The following SEMA6D variants were observed in gnomAD, a reference collection of about 807,000 sequenced individuals.
SEMA6D encodes the protein semaphorin-6D.
In SEMA6D, 35 loss-of-function variants were observed where a neutral mutation model predicts 106.6. That is an observed-to-expected ratio of 0.33 (90% CI 0.25 to 0.44). The LOEUF is 0.44. SEMA6D is among the 20% of genes least tolerant of loss of function. The pLI, the probability that SEMA6D is intolerant of heterozygous loss-of-function variation, is 1.00. For missense variants in SEMA6D, 1,185 were observed against 1,345.9 expected (o/e 0.88, Z 1.87); for synonymous variants, 499 against 487.7 (o/e 1.02, Z -0.31).
intron 4 of SEMA6D, among the ~76,000 whole-genome samples, chr15:47,625,541 A>G (rs1287848098): frequency 6.6e-6 from 1 of 152,048 alleles, no homozygotes; most frequent in Non-Finnish European, 1.5e-5. Context: ...GCTGGGCAAC[A>G]TGGTGAAACC....
intron 2 of SEMA6D, among the ~76,000 whole-genome samples, chr15:47,464,534 C>G (rs1280771036): frequency 6.6e-6 from 1 of 152,072 alleles, no homozygotes; most frequent in Non-Finnish European, 1.5e-5. Flanking sequence ...TATTCCACAT[C>G]TGGGCCTGGC....
intron 4 of SEMA6D, among the ~76,000 whole-genome samples, chr15:47,651,604 C>A (rs1365957813): frequency 6.6e-6 from 1 of 152,214 alleles, no homozygotes; most frequent in Non-Finnish European, 1.5e-5. Flanking sequence ...CCACCAGGTT[C>A]TTCACATACC....
At chr15:47,411,877 T>TG (rs1357071330) in intron 1 of SEMA6D, among the ~76,000 whole-genome samples, 3 of 152,164 alleles carry the variant, frequency 2.0e-5, no homozygotes, top group Non-Finnish European at 4.4e-5. Context: ...AGAGGGAATT[T>TG]GGAAACTTCT....
At chr15:47,752,158 T>C (rs1260414747) in intron 1 of SEMA6D, among the ~76,000 whole-genome samples, 1 of 152,210 alleles carries the variant, frequency 6.6e-6, no homozygotes, top group Non-Finnish European at 1.5e-5. Flanking sequence ...GATTATGAGA[T>C]GCCATGATTA....
At chr15:47,244,999 C>G (rs553703567) in intron 1 of SEMA6D, among the ~76,000 whole-genome samples, 1 of 150,022 alleles carries the variant, frequency 6.7e-6, no homozygotes, top group African/African-American at 2.4e-5. Flanking sequence ...GCCTCCAGCT[C>G]TATCCATGCT....
intron 1 of SEMA6D, among the ~76,000 whole-genome samples, chr15:47,752,860 T>G (rs2081518588): frequency 6.6e-6 from 1 of 151,530 alleles, no homozygotes; most frequent in African/African-American, 2.4e-5. Context: ...AGTATAAAAA[T>G]TAGCTGGACG....
At chr15:47,254,329 GTGTA>G (rs921888434) in intron 1 of SEMA6D, among the ~76,000 whole-genome samples, 11 of 132,688 alleles carry the variant, frequency 8.3e-5, no homozygotes, top group Admixed American at 1.5e-4. Context: ...ATGTGTGTGT[GTGTA>G]TATATATATA....
At chr15:47,579,607 T>A (rs182252851) in intron 3 of SEMA6D, among the ~76,000 whole-genome samples, 40 of 152,314 alleles carry the variant, frequency 2.6e-4, no homozygotes, top group Non-Finnish European at 4.4e-4. Flanking sequence ...TTGCTTGTAT[T>A]AAATAAAATT....
intron 1 of SEMA6D, among the ~76,000 whole-genome samples, chr15:47,313,164 C>A (rs770673232): frequency 3.3e-5 from 5 of 152,152 alleles, no homozygotes; most frequent in African/African-American, 4.8e-5. Context: ...TTAGGTTTCT[C>A]TGTGCTACCG....
chr15:47,211,500 T>C (rs1440874397), intron 1 of SEMA6D, among the ~76,000 whole-genome samples: 1 of 152,190 alleles, frequency 6.6e-6, no homozygotes, highest in African/African-American at 2.4e-5. Flanking sequence ...AAAGTACAAA[T>C]ATATCCTTTA....
chr15:47,392,529 C>CA (rs2040073020), intron 1 of SEMA6D, among the ~76,000 whole-genome samples: 1 of 151,602 alleles, frequency 6.6e-6, no homozygotes, highest in African/African-American at 2.4e-5. Context: ...TGAAAGATTG[C>CA]CAGAAGCTGG....
chr15:47,630,108 T>C (rs1344798732), intron 4 of SEMA6D, among the ~76,000 whole-genome samples: 1 of 151,872 alleles, frequency 6.6e-6, no homozygotes, highest in Non-Finnish European at 1.5e-5. Flanking sequence ...TATTTTTAGG[T>C]TTCTGAGAAA....
intron 1 of SEMA6D, among the ~76,000 whole-genome samples, chr15:47,227,998 A>ATATATAT (rs2031892995): frequency 8.7e-6 from 1 of 114,754 alleles, no homozygotes; most frequent in Non-Finnish European, 1.9e-5. Flanking sequence ...ATTCTTATAT[A>ATATATAT]TTTTATATAT....
chr15:47,490,712 C>G (rs935121070), intron 3 of SEMA6D, among the ~76,000 whole-genome samples: 1 of 151,902 alleles, frequency 6.6e-6, no homozygotes, highest in African/African-American at 2.4e-5. Flanking sequence ...ATACAGCTGA[C>G]AAAAGATTAG....
chr15:47,407,431 CA>C, intron 1 of SEMA6D, among the ~76,000 whole-genome samples: 1 of 99,070 alleles, frequency 1.0e-5, no homozygotes, highest in Middle Eastern at 6.4e-3. Context: ...AAAAAACAAA[CA>C]AAAATACTTA....
intron 2 of SEMA6D, among the ~76,000 whole-genome samples, chr15:47,442,558 C>T (rs983598202): frequency 3.3e-5 from 5 of 152,070 alleles, no homozygotes; most frequent in South Asian, 2.1e-4. Flanking sequence ...GTAATGTCTG[C>T]GTTAGATAGC....
chr15:47,761,140 T>A lies in SEMA6D; in HGVS notation c.283-18T>A. 6.2e-7 allele frequency: 1 copy of A among 1,613,370 alleles called. No homozygotes were observed. The highest frequency in any genetic ancestry group is 8.5e-7 in the Non-Finnish European group (1 of 1,179,726). On this transcript the variant is annotated intron_variant, in intron 4 of 18. Transcript: ENST00000536845. Reference sequence around the variant, plus strand: ...GTTCGCAGTTAAAAACTGCTTTGGTTTTGCTTGATTAATACAGAAACTGAC... The same window carrying A: ...GTTCGCAGTTAAAAACTGCTTTGGTATTGCTTGATTAATACAGAAACTGAC...
At chr15:47,577,575 C>T (rs1354948771) in intron 3 of SEMA6D, among the ~76,000 whole-genome samples, 2 of 152,216 alleles carry the variant, frequency 1.3e-5, no homozygotes, top group African/African-American at 2.4e-5. Flanking sequence ...ATTATTCCCT[C>T]CCTCGAGGGA....
In SEMA6D at chr15:47,723,641, A is replaced by G. The variant is rs547315625; in HGVS notation, c.-55+5949A>G. 5.9e-5 allele frequency among the ~76,000 whole-genome samples: 9 copies of G among 152,296 alleles called. No homozygotes were observed. The South Asian group carries it at 1.0e-3, about 18-fold the overall frequency. ...GAGGGAAAATCTTTCAATCAGATACATTGTTGAGAAATTCTCTCTCATGCA... is the reference window on the plus strand; with the variant it reads ...GAGGGAAAATCTTTCAATCAGATACGTTGTTGAGAAATTCTCTCTCATGCA... On this transcript the variant is annotated intron_variant, in intron 1 of 18. Coordinates refer to ENST00000536845, the MANE Select transcript of SEMA6D (RefSeq NM_001358351.3).
Sources: gnomAD v4.1 joint callset for allele counts (sites outside exome capture counted in the v4.1 genomes callset) on GRCh38, gnomAD v4.1.1 for gene constraint, MANE v1.5 for transcripts, NCBI Gene and HGNC (gene_info 2026-07-23, HGNC 2026-07-21) for gene names.